The following EVI5 variants were observed in gnomAD, a reference collection of about 807,000 sequenced individuals.
The protein encoded by EVI5 is ecotropic viral integration site 5.
In EVI5, 73 loss-of-function variants were observed where a neutral mutation model predicts 112.0. The ratio of observed to expected loss-of-function variants is 0.65; its 90% confidence interval spans 0.54 to 0.79. The LOEUF (loss-of-function observed/expected upper bound fraction) is 0.79, where lower values mean the gene tolerates loss of function less well. EVI5 is among the 30% of genes least tolerant of loss of function. The probability of loss-of-function intolerance (pLI) is 0.00; values close to 1 mark genes in which losing one functional copy is unlikely to be tolerated. For synonymous variants in EVI5, 305 were observed against 319.9 expected (o/e 0.95, Z 0.50); for missense variants, 900 against 968.8 (o/e 0.93, Z 0.94).
At chr1:92,692,065 CA>C (rs773724206) in intron 9 of EVI5, among the ~76,000 whole-genome samples, 1 of 152,074 alleles carries the variant, frequency 6.6e-6, no homozygotes, top group Non-Finnish European at 1.5e-5. Flanking sequence ...ATACAGGAAA[CA>C]AAAGGGCAGA....
chr1:92,576,528 T>A (rs1671110761), intron 18 of EVI5, among the ~76,000 whole-genome samples: 1 of 149,020 alleles, frequency 6.7e-6, no homozygotes, highest in Non-Finnish European at 1.5e-5. Flanking sequence ...ATAAAATGTA[T>A]CAAGAGAGAT....
chr1:92,615,840 T>C (rs1653003033), intron 16 of EVI5, among the ~76,000 whole-genome samples: 1 of 152,068 alleles, frequency 6.6e-6, no homozygotes. Context: ...TGAGGAGGTG[T>C]GCTACACTTG....
At chr1:92,740,949 G>A (rs985572320) in intron 1 of EVI5, among the ~76,000 whole-genome samples, 6 of 152,216 alleles carry the variant, frequency 3.9e-5, no homozygotes, top group Admixed American at 2.0e-4. Flanking sequence ...AGCCTTCTGC[G>A]CTACCTAAAC....
chr1:92,767,549 C>T (rs1186632355), intron 1 of EVI5, among the ~76,000 whole-genome samples: 1 of 152,146 alleles, frequency 6.6e-6, no homozygotes, highest in East Asian at 1.9e-4. Flanking sequence ...TTAATCAAAA[C>T]TGGAAAAAGA....
chr1:92,665,865 G>T (rs1211609064), intron 11 of EVI5, 74 bp downstream of exon 11: 3 of 1,067,238 alleles, frequency 2.8e-6, no homozygotes, highest in South Asian at 1.4e-5. Flanking sequence ...CAGAATTTTT[G>T]AGGATTTTTA....
At chr1:92,593,499 A>G (rs1299414641) in intron 18 of EVI5, among the ~76,000 whole-genome samples, 1 of 152,246 alleles carries the variant, frequency 6.6e-6, no homozygotes, top group East Asian at 1.9e-4. Flanking sequence ...ATTCCCTTTG[A>G]AAACCGGCAC....
intron 1 of EVI5, among the ~76,000 whole-genome samples, chr1:92,749,868 T>G (rs772709976): frequency 2.0e-5 from 3 of 152,196 alleles, no homozygotes; most frequent in Non-Finnish European, 2.9e-5. Flanking sequence ...ATATCCATAC[T>G]AATTCATGTT....
At chr1:92,617,833 T>TATC (rs1653576119) in intron 16 of EVI5, among the ~76,000 whole-genome samples, 1 of 152,240 alleles carries the variant, frequency 6.6e-6, no homozygotes, top group Non-Finnish European at 1.5e-5. Context: ...TGGGTTTACC[T>TATC]ATCCTGCATG....
At chr1:92,730,486 G>A (rs1039274560) in intron 2 of EVI5, among the ~76,000 whole-genome samples, 2 of 151,706 alleles carry the variant, frequency 1.3e-5, no homozygotes, top group Non-Finnish European at 2.9e-5. Flanking sequence ...GATTAATCCA[G>A]GCAACGAAGC....
At chr1:92,548,044 A>G (rs1460858512) in intron 19 of EVI5, among the ~76,000 whole-genome samples, 3 of 152,194 alleles carry the variant, frequency 2.0e-5, no homozygotes, top group African/African-American at 7.2e-5. Flanking sequence ...GACACAACAA[A>G]AAAAGAAAAT....
intron 1 of EVI5, among the ~76,000 whole-genome samples, chr1:92,743,907 T>G (rs1216028492): frequency 2.6e-5 from 4 of 152,204 alleles, no homozygotes; most frequent in Non-Finnish European, 5.9e-5. Context: ...AGGTTTATAT[T>G]GCTCTTCTAT....
intron 1 of EVI5, among the ~76,000 whole-genome samples, chr1:92,767,694 T>C (rs898930123): frequency 6.6e-6 from 1 of 152,258 alleles, no homozygotes; most frequent in African/African-American, 2.4e-5. Context: ...ACAAGTTATT[T>C]AAGCTCTTTG....
chr1:92,629,956 G>A (rs1656597697), intron 14 of EVI5, among the ~76,000 whole-genome samples: 1 of 151,942 alleles, frequency 6.6e-6, no homozygotes, highest in Admixed American at 6.6e-5. Context: ...TGAGAATGAT[G>A]GTTTCCAGCT....
intron 9 of EVI5, among the ~76,000 whole-genome samples, chr1:92,679,822 G>C (rs1380052279): frequency 1.3e-5 from 2 of 152,148 alleles, no homozygotes; most frequent in African/African-American, 2.4e-5. Flanking sequence ...TTTTTCTCAT[G>C]ATTATACTGG....
At chr1:92,715,353 G>A (rs1450116705) in intron 2 of EVI5, among the ~76,000 whole-genome samples, 2 of 152,084 alleles carry the variant, frequency 1.3e-5, no homozygotes, top group African/African-American at 4.8e-5. Flanking sequence ...CTCAAAATTT[G>A]AACCCAAAAG....
intron 18 of EVI5, among the ~76,000 whole-genome samples, chr1:92,595,617 G>A (rs1476870128): frequency 6.6e-6 from 1 of 151,990 alleles, no homozygotes; most frequent in Non-Finnish European, 1.5e-5. Context: ...AAAGGAGGAG[G>A]GAGAAAAACA....
At chr1:92,540,874 G>A (rs1664681166) in intron 19 of EVI5, among the ~76,000 whole-genome samples, 1 of 152,076 alleles carries the variant, frequency 6.6e-6, no homozygotes, top group Non-Finnish European at 1.5e-5. Context: ...AGGAGTTTGA[G>A]TACAGCCTGG....
chr1:92,540,845 G>A (rs1384285090), intron 19 of EVI5, among the ~76,000 whole-genome samples: 9 of 152,068 alleles, frequency 5.9e-5, no homozygotes, highest in Admixed American at 2.6e-4. Context: ...AGGCCGAGGC[G>A]GGAGGATCAC....
chr1:92,686,991 T>A (rs977628998), intron 9 of EVI5, among the ~76,000 whole-genome samples: 5 of 152,052 alleles, frequency 3.3e-5, no homozygotes, highest in Non-Finnish European at 7.4e-5. Context: ...TTAAATGCCA[T>A]CCCCATCAAG....
Sources: allele counts gnomAD v4.1 joint callset (sites outside exome capture counted in the v4.1 genomes callset), GRCh38; gene constraint gnomAD v4.1.1; transcripts MANE v1.5; gene names NCBI Gene and HGNC (gene_info 2026-07-23, HGNC 2026-07-21).